Variants in FIGN observed in about 807,000 individuals in gnomAD.
FIGN encodes the protein fidgetin, microtubule severing factor, also known as fidgetin.
In FIGN, 11 loss-of-function variants were observed where a neutral mutation model predicts 51.3. That is an observed-to-expected ratio of 0.21 (90% confidence interval 0.13 to 0.35). FIGN has a LOEUF of 0.35. FIGN is among the 10% of genes least tolerant of loss of function. The pLI is 1.00. For missense variants in FIGN, 857 were observed against 943.6 expected, an observed-to-expected ratio of 0.91 and a Z score of 1.20; for synonymous variants, 407 against 363.2, an observed-to-expected ratio of 1.12 and a Z score of -1.37.
chr2:163,661,781 CT>C (rs1278518352), intron 2 of FIGN, among the ~76,000 whole-genome samples: 2 of 152,138 alleles, frequency 1.3e-5, no homozygotes, highest in African/African-American at 4.8e-5. Flanking sequence ...GGGGTTTCTG[CT>C]TTTTCTTCTT....
chr2:163,611,585 C>T lies in FIGN; in HGVS notation c.247G>A (p.Val83Met), dbSNP rs1691262102. The change falls in exon 3 of 3, where the codon GTG becomes ATG. Residue 83 changes from valine (V) to methionine (M), a missense_variant. Coordinates refer to ENST00000333129, the MANE Select transcript of FIGN (RefSeq NM_018086.4). ...EKYSGILEGP[V>M]DRPVLSNYSD... Reference sequence around the variant, plus strand: ...TAGTTGCTGAGTACGGGTCGGTCCACAGGACCTTCCAAAATGCCGGAATAC... The same window carrying T: ...TAGTTGCTGAGTACGGGTCGGTCCATAGGACCTTCCAAAATGCCGGAATAC... The T allele has an allele frequency of 6.2e-7, 1 of 1,614,244 alleles. No homozygotes were observed. Among genetic ancestry groups the T allele is most frequent in the Non-Finnish European group, 8.5e-7 (1 of 1,180,032 alleles).
rs748081011 is a variant in FIGN at position 163,611,689 on chromosome 2, C to T, written c.143G>A (p.Arg48His). 2.2e-5 allele frequency: 35 copies of T among 1,614,030 alleles called. No homozygotes were observed. Among genetic ancestry groups the T allele is most frequent in the Admixed American group, 8.3e-5 (5 of 60,004 alleles). ...ATTCGCCCAGGCGTACTGATAGGTGCGCTGCAGATGACCTCTGTAGGCTTC... is the reference window on the plus strand; with the variant it reads ...ATTCGCCCAGGCGTACTGATAGGTGTGCTGCAGATGACCTCTGTAGGCTTC... The part of the protein sequence containing the change: ...KVEAYRGHLQ[R>H]TYQYAWANDD... The change falls in exon 3 of 3, where the codon CGC (arginine) becomes CAC (histidine). Residue 48 changes from arginine (R) to histidine (H), a missense_variant. Physicochemically the swap from Arg to His is conservative, Grantham distance 29 (BLOSUM62 0). This residue lies in a region of FIGN where 56 missense variants were observed against 75.3 expected (regional missense o/e 0.74). Coordinates refer to ENST00000333129, the MANE Select transcript of FIGN (RefSeq NM_018086.4).
intron 2 of FIGN, among the ~76,000 whole-genome samples, chr2:163,633,979 C>T (rs1159749681): frequency 1.3e-5 from 2 of 152,106 alleles, no homozygotes; most frequent in East Asian, 1.9e-4. Flanking sequence ...AATCAAATCC[C>T]TCTTCTTCAT....
chr2:163,732,966 G>T (rs1346729759), intron 2 of FIGN, among the ~76,000 whole-genome samples: 1 of 152,140 alleles, frequency 6.6e-6, no homozygotes, highest in Non-Finnish European at 1.5e-5. Flanking sequence ...TAGTCTTTTA[G>T]GTTTGTAGCT....
At chr2:163,669,266 A>G (rs1328021162) in intron 2 of FIGN, among the ~76,000 whole-genome samples, 1 of 152,120 alleles carries the variant, frequency 6.6e-6, no homozygotes, top group Non-Finnish European at 1.5e-5. Context: ...GCTGGTGTGC[A>G]GTGGCCCAAT....
rs1491432139 is a variant in FIGN at position 163,676,484 on chromosome 2, A to ATATATAT, written c.25+58418_25+58419insATATATA. Among the ~76,000 whole-genome samples the ATATATAT allele has an allele frequency of 2.1e-3, 115 of 55,728 alleles. 28 individuals carry two copies. Among genetic ancestry groups the ATATATAT allele is most frequent in the Non-Finnish European group, 3.2e-3 (77 of 24,136 alleles). 36.6% of individuals were successfully genotyped at this position (55,728 alleles called of 152,430 possible). ...ATATATATATATATATATATATATAACTAGAGTCTGTGCACCCGAATCTGA... is the reference window on the plus strand; with the variant it reads ...ATATATATATATATATATATATATAATATATATCTAGAGTCTGTGCACCCGAATCTGA... On this transcript the variant is annotated intron_variant, in intron 2 of 2. Transcript: ENST00000333129.
Position 163,734,922 on chromosome 2 carries a change from G to A in FIGN, c.6C>T (p.Ile2=). 1 of 1,610,734 alleles carries A rather than the reference G, an allele frequency of 6.2e-7. No individual in the cohort carries two copies. The highest frequency in any genetic ancestry group is 2.2e-5 in the East Asian group (1 of 44,538). The change falls in exon 2 of 3, where the codon ATC becomes ATT. Residue 2 remains isoleucine, a synonymous_variant. Coordinates refer to ENST00000333129, the MANE Select transcript of FIGN (RefSeq NM_018086.4). ...ACATACCATAAACACTGGTGCTACT[G>A]ATCATTTCTTGCTGGCAGCACAAAA... M[I]SSTSVYGLKM...
At chr2:163,641,734 A>G (rs1374523408) in intron 2 of FIGN, among the ~76,000 whole-genome samples, 1 of 152,260 alleles carries the variant, frequency 6.6e-6, no homozygotes, top group Non-Finnish European at 1.5e-5. Flanking sequence ...CAAATGCCCA[A>G]TGGCAGCAAA....
intron 2 of FIGN, among the ~76,000 whole-genome samples, chr2:163,669,005 G>GA (rs1472630460): frequency 4.7e-5 from 5 of 107,326 alleles, no homozygotes; most frequent in Non-Finnish European, 7.0e-5. Flanking sequence ...GCATAATTAA[G>GA]AAAAAAAGGA....
At chr2:163,668,016 C>G (rs1328054217) in intron 2 of FIGN, among the ~76,000 whole-genome samples, 2 of 126,290 alleles carry the variant, frequency 1.6e-5, no homozygotes, top group Non-Finnish European at 3.5e-5. Flanking sequence ...TACCTCCAAC[C>G]CCCCCCCCCA....
At chr2:163,636,753 CTG>C (rs1397072558) in intron 2 of FIGN, among the ~76,000 whole-genome samples, 3 of 152,020 alleles carry the variant, frequency 2.0e-5, no homozygotes, top group African/African-American at 7.2e-5. Context: ...GGAAAACTAA[CTG>C]TAATATTAAA....
At chr2:163,729,315 A>G (rs2105368228) in intron 2 of FIGN, among the ~76,000 whole-genome samples, 1 of 152,304 alleles carries the variant, frequency 6.6e-6, no homozygotes, top group African/African-American at 2.4e-5. Flanking sequence ...GAATATATCC[A>G]TAAGCAAAAT....
intron 2 of FIGN, among the ~76,000 whole-genome samples, chr2:163,627,636 T>C (rs1683073127): frequency 6.6e-6 from 1 of 152,120 alleles, no homozygotes; most frequent in Non-Finnish European, 1.5e-5. Flanking sequence ...TTATTAATCC[T>C]TCACACTGTG....
At position 163,609,551 on chromosome 2, in the gene FIGN, A is replaced by G. The variant is rs1200102380; in HGVS notation, c.*1T>C. 3.1e-6 allele frequency: 5 copies of G among 1,601,570 alleles called. No homozygotes were observed. The highest frequency in any genetic ancestry group is 2.7e-5 in the African/African-American group (2 of 74,462). On this transcript the variant is annotated 3_prime_UTR_variant, in exon 3 of 3. Coordinates refer to ENST00000333129, the MANE Select transcript of FIGN (RefSeq NM_018086.4). Reference sequence around the variant, plus strand: ...TACATTTTTTTTTTCTAAAGAAGTTATCACTGACTGCAACCAAACATTTTG... The same window carrying G: ...TACATTTTTTTTTTCTAAAGAAGTTGTCACTGACTGCAACCAAACATTTTG...
intron 2 of FIGN, among the ~76,000 whole-genome samples, chr2:163,696,283 T>C (rs76642970): frequency 0.045 from 6,845 of 152,234 alleles, 183 homozygotes; most frequent in African/African-American, 0.063. Context: ...CACAATCATA[T>C]ATTTCAACAA....
chr2:163,731,999 CA>C (rs34450623), intron 2 of FIGN, among the ~76,000 whole-genome samples: 8,309 of 152,196 alleles, frequency 0.055, 741 homozygotes, highest in African/African-American at 0.19. Flanking sequence ...CAGTGTAAGA[CA>C]AGTATCCAAA....
At chr2:163,732,458 C>G (rs759628534) in intron 2 of FIGN, among the ~76,000 whole-genome samples, 7 of 152,292 alleles carry the variant, frequency 4.6e-5, no homozygotes, top group Non-Finnish European at 7.4e-5. Context: ...ACTCTTGACT[C>G]TCTACATATT....
chr2:163,620,841 G>GT (rs1301225963), intron 2 of FIGN, among the ~76,000 whole-genome samples: 1 of 110,212 alleles, frequency 9.1e-6, no homozygotes, highest in African/African-American at 3.0e-5. Context: ...ATATAACTCT[G>GT]TGTAAATATT....
At chr2:163,711,657 CAAAAA>C (rs35141137) in intron 2 of FIGN, among the ~76,000 whole-genome samples, 4 of 133,428 alleles carry the variant, frequency 3.0e-5, no homozygotes, top group Non-Finnish European at 4.8e-5. Context: ...ATTGTTTCTA[CAAAAA>C]AAAAAAAAAA....
Sources: gnomAD v4.1 joint callset for allele counts (sites outside exome capture counted in the v4.1 genomes callset) on GRCh38, gnomAD v4.1.1 for gene constraint, gnomAD v4.1.1 regional missense constraint, MANE v1.5 for transcripts, NCBI Gene and HGNC (gene_info 2026-07-23, HGNC 2026-07-21) for gene names.